KIAA1328: variants seen among roughly 807,000 people sequenced by gnomAD.
KIAA1328 encodes protein hinderin.
Under a neutral mutation model 68.1 loss-of-function variants are expected in KIAA1328, and 52 were observed. The ratio of observed to expected loss-of-function variants is 0.76; its 90% CI spans 0.61 to 0.96. The LOEUF (loss-of-function observed/expected upper bound fraction) is 0.96. Among genes scored for constraint, KIAA1328 ranks in the 40% least tolerant of loss-of-function variants. KIAA1328 has a pLI of 0.00. For synonymous variants in KIAA1328, 232 were observed against 239.4 expected, an observed-to-expected ratio of 0.97 and a Z score of 0.28; for missense variants, 641 against 677.6, an observed-to-expected ratio of 0.95 and a Z score of 0.60.
chr18:36,915,491 A>G (rs1401983043), intron 5 of KIAA1328, among the ~76,000 whole-genome samples: 1 of 152,170 alleles, frequency 6.6e-6, no homozygotes, highest in African/African-American at 2.4e-5. Context: ...ACAATAAGAA[A>G]ACAATCTAAC....
intron 7 of KIAA1328, among the ~76,000 whole-genome samples, chr18:37,104,982 C>T (rs1049266621): frequency 6.6e-6 from 1 of 152,132 alleles, no homozygotes; most frequent in Admixed American, 6.5e-5. Context: ...TTCCGGTTAT[C>T]TCCCCCTTCT....
intron 6 of KIAA1328, among the ~76,000 whole-genome samples, chr18:37,033,728 A>G (rs1221328420): frequency 6.6e-6 from 1 of 152,178 alleles, no homozygotes; most frequent in Non-Finnish European, 1.5e-5. Context: ...TCTCTTTTCT[A>G]AGGATTCTGT....
intron 7 of KIAA1328, among the ~76,000 whole-genome samples, chr18:37,079,884 CAAAA>C (rs200381832): frequency 2.1e-5 from 2 of 95,280 alleles, no homozygotes. Context: ...AAGGCTGTCT[CAAAA>C]AAAAAAAAAA....
At chr18:37,170,887 G>A (rs1194610868) in intron 8 of KIAA1328, among the ~76,000 whole-genome samples, 1 of 152,098 alleles carries the variant, frequency 6.6e-6, no homozygotes, top group African/African-American at 2.4e-5. Flanking sequence ...TAAAACAATA[G>A]AGATAGAGAG....
intron 6 of KIAA1328, among the ~76,000 whole-genome samples, chr18:36,972,774 A>G (rs546257243): frequency 1.1e-4 from 17 of 152,162 alleles, no homozygotes; most frequent in Non-Finnish European, 2.5e-4. Context: ...CCAGTAAGCA[A>G]ACTTCTCTTC....
rs757696470 is a variant in KIAA1328 at position 37,067,328 on chromosome 18, C to T, written c.1015C>T (p.Arg339Trp). ...ACATCCAGAATCATGCAGTTATTGT[C>T]GGCTTTCTTGGGCATCTCTGGTGCA... The part of the protein sequence containing the change: ...KTHPESCSYC[R>W]LSWASLVHGG... Residue 339 changes from arginine (R) to tryptophan (W), a missense_variant, in exon 7 of 10, where the codon CGG becomes TGG. Physicochemically the swap from Arg to Trp is moderately radical, Grantham distance 101. Coordinates refer to ENST00000280020, the MANE Select transcript of KIAA1328 (RefSeq NM_020776.3). 17 of 1,613,966 alleles carry T rather than the reference C, an allele frequency of 1.1e-5. No homozygotes were observed. The highest frequency in any genetic ancestry group is 1.3e-5 in the African/African-American group (1 of 75,052).
chr18:36,997,112 A>G (rs72888995), intron 6 of KIAA1328, among the ~76,000 whole-genome samples: 16,396 of 150,780 alleles, frequency 0.11, 1,084 homozygotes, highest in Non-Finnish European at 0.13. Context: ...CCCACCTGTG[A>G]AAAAAAAAAT....
chr18:36,991,198 C>T (rs2053163713), intron 6 of KIAA1328, among the ~76,000 whole-genome samples: 1 of 152,262 alleles, frequency 6.6e-6, no homozygotes, highest in East Asian at 1.9e-4. Context: ...TGTGTGCTTA[C>T]AATTTTGAAT....
chr18:36,898,196 G>A (rs1022184148), intron 5 of KIAA1328, among the ~76,000 whole-genome samples: 2 of 151,944 alleles, frequency 1.3e-5, no homozygotes, highest in East Asian at 1.9e-4. Context: ...TATTTCAGAT[G>A]TTATCTTCTA....
downstream of KIAA1328, chr18:37,230,297 A>G (rs1400308641): frequency 6.6e-6 from 1 of 152,212 alleles, no homozygotes; most frequent in Non-Finnish European, 1.5e-5. Flanking sequence ...GATATGGCCC[A>G]CTGCAGCCTT....
intron 6 of KIAA1328, among the ~76,000 whole-genome samples, chr18:37,048,832 C>T (rs933616970): frequency 1.3e-5 from 2 of 152,098 alleles, no homozygotes; most frequent in African/African-American, 4.8e-5. Flanking sequence ...AGATAAGTTA[C>T]CTGTTAAGTT....
intron 6 of KIAA1328, among the ~76,000 whole-genome samples, chr18:37,043,474 A>G (rs2629948): frequency 0.73 from 111,452 of 152,152 alleles, 43,974 homozygotes; most frequent in South Asian, 0.89. Flanking sequence ...CTCCCCTGCA[A>G]CATATGTCCA....
chr18:37,018,945 A>G (rs1417952954), intron 6 of KIAA1328, among the ~76,000 whole-genome samples: 1 of 152,102 alleles, frequency 6.6e-6, no homozygotes, highest in Non-Finnish European at 1.5e-5. Flanking sequence ...TGTTTTGGTT[A>G]CAGACCATTG....
chr18:37,003,490 GA>G (rs1225830665), intron 6 of KIAA1328, among the ~76,000 whole-genome samples: 1 of 151,990 alleles, frequency 6.6e-6, no homozygotes, highest in Non-Finnish European at 1.5e-5. Context: ...ATCTCCGCAG[GA>G]AAAAAACTTG....
intron 6 of KIAA1328, among the ~76,000 whole-genome samples, chr18:37,012,718 A>C (rs2054018916): frequency 1.3e-5 from 2 of 152,196 alleles, no homozygotes; most frequent in African/African-American, 4.8e-5. Flanking sequence ...GACTAATTGC[A>C]CTCTGGAGTG....
At chr18:37,157,844 C>CT (rs1429819164) in intron 7 of KIAA1328, among the ~76,000 whole-genome samples, 2 of 138,910 alleles carry the variant, frequency 1.4e-5, no homozygotes, top group Non-Finnish European at 3.1e-5. Flanking sequence ...TTACCTCATT[C>CT]TTTTTAATGG....
intron 6 of KIAA1328, among the ~76,000 whole-genome samples, chr18:36,959,957 G>A (rs547763653): frequency 6.6e-6 from 1 of 152,314 alleles, no homozygotes; most frequent in South Asian, 2.1e-4. Context: ...CAAATGGTAT[G>A]TATTATATAC....
intron 7 of KIAA1328, among the ~76,000 whole-genome samples, chr18:37,102,012 C>G (rs562233181): frequency 4.4e-4 from 67 of 152,200 alleles, no homozygotes; most frequent in Admixed American, 1.3e-3. Context: ...TTCTATGAGG[C>G]CAGTATTACT....
intron 8 of KIAA1328, among the ~76,000 whole-genome samples, chr18:37,170,523 G>A (rs1473405519): frequency 6.6e-6 from 1 of 152,158 alleles, no homozygotes; most frequent in Non-Finnish European, 1.5e-5. Flanking sequence ...GAGGTTTTCA[G>A]TTTAATGCTT....
Sources: allele counts gnomAD v4.1 joint callset (sites outside exome capture counted in the v4.1 genomes callset), GRCh38; gene constraint gnomAD v4.1.1; transcripts MANE v1.5; gene names NCBI Gene and HGNC (gene_info 2026-07-23, HGNC 2026-07-21).